Variants in NTM observed in about 807,000 individuals in gnomAD.
The protein encoded by NTM is IgLON family member 2.
A neutral mutation model predicts 42.1 loss-of-function variants in NTM; 13 were observed. The observed-to-expected ratio is 0.31, with a 90% CI of 0.20 to 0.49. The LOEUF (loss-of-function observed/expected upper bound fraction) is 0.49. Ranked by LOEUF, NTM falls within the 20% of genes least tolerant of loss-of-function variation. The pLI is 0.99. For synonymous variants in NTM, 187 were observed against 179.2 expected (o/e 1.04, Z -0.35); for missense variants, 373 against 452.8 (o/e 0.82, Z 1.60).
intron 4 of NTM, among the ~76,000 whole-genome samples, chr11:132,281,205 C>T (rs1453826169): frequency 2.6e-5 from 4 of 152,128 alleles, no homozygotes; most frequent in East Asian, 1.9e-4. Context: ...AGCATGGCTG[C>T]GTTTTGATTA....
At chr11:131,817,787 C>T (rs1338587083) in intron 1 of NTM, among the ~76,000 whole-genome samples, 2 of 152,240 alleles carry the variant, frequency 1.3e-5, no homozygotes, top group Non-Finnish European at 2.9e-5. Flanking sequence ...TCCCAATTAA[C>T]AATAATTGCC....
intron 1 of NTM, among the ~76,000 whole-genome samples, chr11:131,676,596 T>G (rs1471073928): frequency 6.6e-6 from 1 of 152,250 alleles, no homozygotes; most frequent in Non-Finnish European, 1.5e-5. Context: ...TTCCATATTT[T>G]CAGGAAGTCT....
chr11:132,149,574 G>A (rs1385919817), intron 3 of NTM, among the ~76,000 whole-genome samples: 1 of 152,198 alleles, frequency 6.6e-6, no homozygotes, highest in Non-Finnish European at 1.5e-5. Context: ...CAGGTCTGGG[G>A]TATGTCTTTC....
chr11:131,972,467 A>C (rs567868932), intron 2 of NTM, among the ~76,000 whole-genome samples: 1 of 152,280 alleles, frequency 6.6e-6, no homozygotes, highest in East Asian at 1.9e-4. Context: ...TTACATAATA[A>C]AAAATAATCT....
chr11:131,925,383 C>CTTTTT (rs61493262), intron 2 of NTM, among the ~76,000 whole-genome samples: 1 of 111,456 alleles, frequency 9.0e-6, no homozygotes, highest in African/African-American at 3.6e-5. Flanking sequence ...TTTCTTTTCT[C>CTTTTT]TTTTTTTTTT....
intron 1 of NTM, among the ~76,000 whole-genome samples, chr11:131,727,801 C>T (rs568600110): frequency 6.6e-6 from 1 of 152,294 alleles, no homozygotes; most frequent in South Asian, 2.1e-4. Context: ...GCCCAGTTTC[C>T]ATGCAACCAC....
chr11:131,749,517 TC>T (rs565977633), intron 1 of NTM, among the ~76,000 whole-genome samples: 12 of 152,346 alleles, frequency 7.9e-5, no homozygotes, highest in Middle Eastern at 3.4e-3. Flanking sequence ...TGTTAGGTGG[TC>T]CCTACCTTGA....
intron 1 of NTM, among the ~76,000 whole-genome samples, chr11:131,853,774 G>A (rs2045826395): frequency 1.3e-5 from 2 of 152,106 alleles, no homozygotes; most frequent in Admixed American, 6.5e-5. Context: ...GGGATTGCTG[G>A]ATCAAGTGAT....
At chr11:131,791,146 G>T (rs2090876962) in intron 1 of NTM, among the ~76,000 whole-genome samples, 1 of 152,126 alleles carries the variant, frequency 6.6e-6, no homozygotes, top group South Asian at 2.1e-4. Context: ...AATGATTTTT[G>T]CATAATCATT....
chr11:132,277,829 T>C (rs2093789796), intron 4 of NTM, among the ~76,000 whole-genome samples: 1 of 152,034 alleles, frequency 6.6e-6, no homozygotes, highest in Non-Finnish European at 1.5e-5. Flanking sequence ...CTAAAATATA[T>C]ATATATATTT....
At chr11:132,178,075 A>T (rs1218588991) in intron 3 of NTM, among the ~76,000 whole-genome samples, 1 of 152,216 alleles carries the variant, frequency 6.6e-6, no homozygotes, top group Non-Finnish European at 1.5e-5. Context: ...ATATAGCCAC[A>T]TTGATGCCCA....
At chr11:131,377,359 C>G (rs1225605996) in intron 1 of NTM, among the ~76,000 whole-genome samples, 2 of 152,206 alleles carry the variant, frequency 1.3e-5, no homozygotes, top group Non-Finnish European at 2.9e-5. Flanking sequence ...ACTGTCACCT[C>G]TCTGGCCTCT....
In NTM at chr11:131,604,659, T is replaced by A. The variant is rs76089674; in HGVS notation, c.82+233771T>A. Reference sequence around the variant, plus strand: ...TTCTAAAAGGTTTTTTTTTTTTTTTTAAATTTAGCTATTATGTCAAGGTCC... The same window carrying A: ...TTCTAAAAGGTTTTTTTTTTTTTTTAAAATTTAGCTATTATGTCAAGGTCC... On this transcript the variant is annotated intron_variant, in intron 1 of 8. Transcript: ENST00000683400. Among the ~76,000 whole-genome samples, 489 of 137,402 alleles carry A rather than the reference T, an allele frequency of 3.6e-3. 3 individuals are homozygous for A. Among genetic ancestry groups the A allele is most frequent in the African/African-American group, 0.012 (462 of 38,506 alleles). 90.1% of individuals were successfully genotyped at this position (137,402 alleles called of 152,430 possible).
At chr11:131,553,664 C>T (rs207472527) in intron 1 of NTM, among the ~76,000 whole-genome samples, 5 of 152,188 alleles carry the variant, frequency 3.3e-5, no homozygotes, top group African/African-American at 4.8e-5. Context: ...ACCTATATTA[C>T]GGCAACATTT....
chr11:132,161,377 T>C (rs2074240119), intron 3 of NTM, among the ~76,000 whole-genome samples: 1 of 148,008 alleles, frequency 6.8e-6, no homozygotes, highest in Non-Finnish European at 1.5e-5. Context: ...CAGCTTTTTT[T>C]TTTTTTTTTT....
At chr11:132,078,604 A>G (rs1006702965) in intron 2 of NTM, among the ~76,000 whole-genome samples, 1 of 152,234 alleles carries the variant, frequency 6.6e-6, no homozygotes, top group African/African-American at 2.4e-5. Flanking sequence ...TAAGCCAGAT[A>G]GAAACTGGGA....
chr11:131,454,596 C>T (rs1268434632), intron 1 of NTM, among the ~76,000 whole-genome samples: 2 of 152,090 alleles, frequency 1.3e-5, no homozygotes, highest in East Asian at 3.9e-4. Flanking sequence ...GTAAGGGAGG[C>T]AGAGAGGCAG....
intron 1 of NTM, among the ~76,000 whole-genome samples, chr11:131,580,944 A>C (rs948638306): frequency 1.3e-5 from 2 of 152,196 alleles, no homozygotes; most frequent in Non-Finnish European, 2.9e-5. Context: ...CCAAAAGGTC[A>C]AAAGTAAGAG....
chr11:131,642,816 C>G (rs543604689), intron 1 of NTM, among the ~76,000 whole-genome samples: 3 of 152,228 alleles, frequency 2.0e-5, no homozygotes, highest in Admixed American at 2.0e-4. Flanking sequence ...TTTTTCTCAT[C>G]TATCCAATTA....
Sources: allele counts gnomAD v4.1 joint callset (sites outside exome capture counted in the v4.1 genomes callset), GRCh38; gene constraint gnomAD v4.1.1; transcripts MANE v1.5; gene names NCBI Gene and HGNC (gene_info 2026-07-23, HGNC 2026-07-21).